The following ZNF653 variants were observed in gnomAD, a reference collection of about 807,000 sequenced individuals.
ZNF653 encodes zinc finger protein 653.
ZNF653 carries 37 observed loss-of-function variants against 59.9 expected under a neutral mutation model. The observed-to-expected ratio is 0.62, with a 90% CI of 0.48 to 0.81. ZNF653 has a LOEUF of 0.81. Among genes scored for constraint, ZNF653 ranks in the 40% least tolerant of loss-of-function variants. The pLI is 0.00. For missense variants in ZNF653, 808 were observed against 881.1 expected (o/e 0.92, Z 1.05); for synonymous variants, 435 against 371.8 (o/e 1.17, Z -1.96).
intron 2 of ZNF653, among the ~76,000 whole-genome samples, chr19:11,497,636 G>A (rs934634765): frequency 2.0e-5 from 3 of 152,198 alleles, no homozygotes; most frequent in Non-Finnish European, 2.9e-5. Flanking sequence ...TGCGAGGACA[G>A]CATGTCCCCC....
intron 3 of ZNF653, among the ~76,000 whole-genome samples, chr19:11,491,606 G>C (rs932005598): frequency 6.9e-6 from 1 of 144,248 alleles, no homozygotes; most frequent in African/African-American, 2.6e-5. Context: ...TTTTTTTTTT[G>C]AGATGGAGTC....
At chr19:11,496,310 G>A (rs1319082910) in intron 2 of ZNF653, 145 bp from the exon 3 acceptor site, 4 of 773,542 alleles carry the variant, frequency 5.2e-6, no homozygotes, top group Non-Finnish European at 8.2e-6. Context: ...AGTTTAAAGG[G>A]GGAAACTGAG....
intron 6 of ZNF653, 33 bp from the exon 7 acceptor site, chr19:11,485,803 A>G (rs1415477212): frequency 6.4e-7 from 1 of 1,552,320 alleles, no homozygotes; most frequent in Non-Finnish European, 8.9e-7. Flanking sequence ...TGGGTCCCAT[A>G]GGCCCACAGA....
chr19:11,489,822 C>T (rs1301788709), intron 3 of ZNF653, among the ~76,000 whole-genome samples: 1 of 152,210 alleles, frequency 6.6e-6, no homozygotes, highest in Non-Finnish European at 1.5e-5. Flanking sequence ...TATCCTGGGC[C>T]CTTCCTGGTG....
chr19:11,503,074 G>A (rs1212448429), intron 1 of ZNF653, among the ~76,000 whole-genome samples: 3 of 151,830 alleles, frequency 2.0e-5, no homozygotes, highest in African/African-American at 7.3e-5. Flanking sequence ...GGAAATAAAG[G>A]CAGACCATAC....
At chr19:11,488,365 C>T (rs1971494239) in intron 3 of ZNF653, among the ~76,000 whole-genome samples, 1 of 152,100 alleles carries the variant, frequency 6.6e-6, no homozygotes, top group Middle Eastern at 3.4e-3. Context: ...TGGTCTCGAT[C>T]TCCTGACCTC....
chr19:11,494,544 G>C (rs144848323), intron 3 of ZNF653, among the ~76,000 whole-genome samples: 2 of 152,004 alleles, frequency 1.3e-5, no homozygotes, highest in South Asian at 4.1e-4. Flanking sequence ...ACAAAAATTA[G>C]CCAGGTGTGG....
Position 11,487,271 on chromosome 19 carries a change from G to A in ZNF653, c.1171+21C>T, listed in dbSNP as rs1385320259. ...CAGGCCCAACCACCCCTGGCCAGAG[G>A]CCACGACAGGTCCCCCAGACCTTTC... On this transcript the variant is annotated intron_variant, in intron 4 of 8. Coordinates refer to ENST00000293771, the MANE Select transcript of ZNF653 (RefSeq NM_138783.4). The surrounding 1 kb of genome is among the most constrained non-coding windows in gnomAD (Gnocchi z 5.1). 3.7e-6 allele frequency: 6 copies of A among 1,605,590 alleles called. No homozygotes were observed. The highest frequency in any genetic ancestry group is 5.1e-6 in the Non-Finnish European group (6 of 1,175,154).
At position 11,487,686 on chromosome 19, in the gene ZNF653, G is replaced by T. The variant is rs914256817; in HGVS notation, c.777C>A (p.Thr259=). The change falls in exon 4 of 9, where the codon ACC becomes ACA. Residue 259 remains threonine, a synonymous_variant. Coordinates refer to ENST00000293771, the MANE Select transcript of ZNF653 (RefSeq NM_138783.4). This position sits in a 1 kb window ranked among gnomAD's most constrained non-coding sequence, Gnocchi z 5.1. ...HHVESLAEQG[T]PLCSNPAGNG... ...TGCCTGCTGGGTTGGAGCACAGCGG[G>T]GTACCCTGCTCGGCCAGGCTTTCCA... 6 of 1,613,734 alleles carry T rather than the reference G, an allele frequency of 3.7e-6. No homozygotes were observed. The African/African-American group carries it at 8.0e-5, about 22-fold the overall frequency.
chr19:11,502,870 C>T (rs1971661655), intron 1 of ZNF653, among the ~76,000 whole-genome samples: 1 of 151,832 alleles, frequency 6.6e-6, no homozygotes, highest in Non-Finnish European at 1.5e-5. Context: ...CCCGTCTCTA[C>T]TAAAAATACA....
chr19:11,497,050 G>T (rs1971596062), intron 2 of ZNF653, among the ~76,000 whole-genome samples: 1 of 152,186 alleles, frequency 6.6e-6, no homozygotes, highest in Non-Finnish European at 1.5e-5. Context: ...GCTTCCTCTA[G>T]ATAACTGTCT....
rs553639752 is a variant in ZNF653, at chr19:11,485,652, T to C, written c.1570+4A>G. On this transcript the variant is annotated splice_donor_region_variant and intron_variant, in intron 7 of 8. Coordinates refer to ENST00000293771, the MANE Select transcript of ZNF653 (RefSeq NM_138783.4). The stretch of plus-strand genomic sequence containing the variant: ...TCATGCTGCCAGCTGGCCCAGGGCC[T>C]GACCTGAATGGATGATCATGTGCCG... 1.9e-6 allele frequency: 3 copies of C among 1,612,966 alleles called. No individual in the cohort carries two copies. The highest frequency in any genetic ancestry group is 2.7e-5 in the African/African-American group (2 of 75,030).
Position 11,487,768 on chromosome 19 carries a change from C to T in ZNF653, c.695G>A (p.Gly232Asp). Residue 232 changes from glycine (G) to aspartate (D), a missense_variant, in exon 4 of 9, where the codon GGC (glycine) becomes GAC (aspartate). Coordinates refer to ENST00000293771, the MANE Select transcript of ZNF653 (RefSeq NM_138783.4). The surrounding 1 kb of genome is among the most constrained non-coding windows in gnomAD (Gnocchi z 5.1). ...AAAATPTSPV[G>D]SSGLITQEGV... is the part of the protein sequence containing the mutation. ...CTCCTGAGTGATGAGCCCGCTGCTG[C>T]CCACCGGGCTGGTGGGCGTCGCTGC... The T allele has an allele frequency of 1.9e-6, 3 of 1,612,870 alleles. No individual in the cohort carries two copies. The highest frequency in any genetic ancestry group is 2.5e-6 in the Non-Finnish European group (3 of 1,179,782).
intron 1 of ZNF653, chr19:11,505,113 G>T: frequency 4.8e-6 from 1 of 207,030 alleles, no homozygotes. Context: ...AGGCCAGGTG[G>T]GGAACTAAGC....
At chr19:11,486,963 A>G in intron 5 of ZNF653, 24 bp downstream of exon 5, 1 of 1,612,074 alleles carries the variant, frequency 6.2e-7, no homozygotes, top group Middle Eastern at 1.7e-4. Flanking sequence ...CCTCGCCCTC[A>G]CCCTTGCCCG....
chr19:11,489,502 A>AT (rs1332652279), intron 3 of ZNF653, among the ~76,000 whole-genome samples: 1 of 151,848 alleles, frequency 6.6e-6, no homozygotes, highest in African/African-American at 2.4e-5. Context: ...TGTGGCCCTG[A>AT]TTTTCCCAAG....
Position 11,496,068 on chromosome 19 carries a change from G to T in ZNF653, c.441C>A (p.Asp147Glu), listed in dbSNP as rs1378189283. The T allele has an allele frequency of 1.2e-6, 2 of 1,614,184 alleles. No individual in the cohort carries two copies. The highest frequency in any genetic ancestry group is 1.1e-5 in the South Asian group (1 of 91,092). Reference sequence around the variant, plus strand: ...CCGTGGTGTACAGGCCAAAAGTGGGGTCTAGCTCCGCCAGGTGCGGCTCGT... The same window carrying T: ...CCGTGGTGTACAGGCCAAAAGTGGGTTCTAGCTCCGCCAGGTGCGGCTCGT... ...CPYEPHLAEL[D>E]PTFGLYTTAV... Residue 147 changes from aspartate (D) to glutamate (E), a missense_variant, in exon 3 of 9, where the codon GAC (aspartate) becomes GAA (glutamate). Coordinates refer to ENST00000293771, the MANE Select transcript of ZNF653 (RefSeq NM_138783.4).
intron 1 of ZNF653, 83 bp downstream of exon 1, chr19:11,505,405 C>T: frequency 7.6e-7 from 1 of 1,322,914 alleles, no homozygotes; most frequent in Non-Finnish European, 9.7e-7. Flanking sequence ...GGGGCTGGCC[C>T]TAGAAGCGGA....
At position 11,486,818 on chromosome 19, in the gene ZNF653, C is replaced by G; in HGVS notation, c.1406G>C (p.Cys469Ser). ...GACTTGGCTGCAGCCCTCGTATGGG[C>G]AGTGGAACATCTCGAGCAGGCCGTC... Reference protein sequence around the residue: ...DADGLLEMFHCPYEGCSQVYV... With the variant: ...DADGLLEMFHSPYEGCSQVYV... The change falls in exon 6 of 9, where the codon TGC becomes TCC. Residue 469 changes from cysteine (C) to serine (S), a missense_variant. Physicochemically the swap from Cys to Ser is moderately radical, Grantham distance 112. Coordinates refer to ENST00000293771, the MANE Select transcript of ZNF653 (RefSeq NM_138783.4). 6.2e-7 allele frequency: 1 copy of G among 1,612,164 alleles called. No homozygotes were observed. Among genetic ancestry groups the G allele is most frequent in the Non-Finnish European group, 8.5e-7 (1 of 1,179,248 alleles).
Sources: allele counts gnomAD v4.1 joint callset (sites outside exome capture counted in the v4.1 genomes callset), GRCh38; gene constraint gnomAD v4.1.1; non-coding constraint Gnocchi (gnomAD v3.1); transcripts MANE v1.5; gene names NCBI Gene and HGNC (gene_info 2026-07-23, HGNC 2026-07-21).